The following GRIN2B variants were observed in gnomAD, a reference collection of about 807,000 sequenced individuals.
The protein encoded by GRIN2B is glutamate ionotropic receptor NMDA type subunit 2B.
Under a neutral mutation model 114.5 loss-of-function variants are expected in GRIN2B, and 5 were observed. The ratio of observed to expected loss-of-function variants is 0.04; its 90% confidence interval spans 0.02 to 0.09. The LOEUF is 0.09. GRIN2B is among the 10% of genes least tolerant of loss of function. The pLI is 1.00. For synonymous variants in GRIN2B, 787 were observed against 745.1 expected (o/e 1.06, Z -0.92); for missense variants, 1,108 against 1,943.5 (o/e 0.57, Z 8.08).
At chr12:13,892,548 G>A (rs986441660) in intron 2 of GRIN2B, among the ~76,000 whole-genome samples, 1 of 152,184 alleles carries the variant, frequency 6.6e-6, no homozygotes, top group Non-Finnish European at 1.5e-5. Context: ...CTGAAACAGG[G>A]CGCAGGCCAG....
intron 2 of GRIN2B, among the ~76,000 whole-genome samples, chr12:13,943,780 A>C (rs1867309596): frequency 6.6e-6 from 1 of 152,086 alleles, no homozygotes; most frequent in South Asian, 2.1e-4. Context: ...AATTTCCGTC[A>C]CTGTCTAGCC....
chr12:13,707,075 G>A (rs920526549), intron 4 of GRIN2B, among the ~76,000 whole-genome samples: 19 of 151,252 alleles, frequency 1.3e-4, no homozygotes, highest in African/African-American at 4.4e-4. Flanking sequence ...CTTAATCTAT[G>A]AGCATGAATG....
At chr12:13,608,204 A>G (rs896814490) in intron 10 of GRIN2B, among the ~76,000 whole-genome samples, 1 of 152,160 alleles carries the variant, frequency 6.6e-6, no homozygotes, top group Non-Finnish European at 1.5e-5. Flanking sequence ...GCCAAACACC[A>G]CTGGGAAGAA....
intron 10 of GRIN2B, among the ~76,000 whole-genome samples, chr12:13,594,615 T>C (rs1329962215): frequency 6.6e-6 from 1 of 151,204 alleles, no homozygotes; most frequent in Non-Finnish European, 1.5e-5. Flanking sequence ...ATGGCATGTG[T>C]ATATCTATGT....
intron 4 of GRIN2B, among the ~76,000 whole-genome samples, chr12:13,678,245 A>C (rs562947363): frequency 6.6e-6 from 1 of 152,254 alleles, no homozygotes; most frequent in East Asian, 1.9e-4. Flanking sequence ...GCATTTTACA[A>C]ATGGTAGCAG....
chr12:13,715,401 C>T (rs539636984), intron 4 of GRIN2B, among the ~76,000 whole-genome samples: 1 of 151,910 alleles, frequency 6.6e-6, no homozygotes, highest in South Asian at 2.1e-4. Context: ...AAAATGATAA[C>T]TATAAAAGTT....
At chr12:13,675,933 G>C (rs774967081) in intron 4 of GRIN2B, 74 bp from the exon 5 acceptor site, 1 of 837,054 alleles carries the variant, frequency 1.2e-6, no homozygotes, top group Non-Finnish European at 2.1e-6. Context: ...CAGGTATATA[G>C]AGAGAAAGCT....
intron 2 of GRIN2B, among the ~76,000 whole-genome samples, chr12:13,916,160 T>C (rs1866716380): frequency 6.6e-6 from 1 of 152,136 alleles, no homozygotes; most frequent in African/African-American, 2.4e-5. Flanking sequence ...TTTTTGAAAA[T>C]GAGATCTTTG....
At chr12:13,602,140 C>A (rs1949169432) in intron 10 of GRIN2B, among the ~76,000 whole-genome samples, 1 of 152,130 alleles carries the variant, frequency 6.6e-6, no homozygotes, top group Non-Finnish European at 1.5e-5. Context: ...CAAGTGTCCT[C>A]CCCCCTCTCA....
At chr12:13,959,707 G>C (rs912110272) in intron 2 of GRIN2B, among the ~76,000 whole-genome samples, 4 of 151,862 alleles carry the variant, frequency 2.6e-5, no homozygotes, top group Non-Finnish European at 5.9e-5. Flanking sequence ...TTGGCGAAGA[G>C]ATGCTGATTG....
At chr12:13,866,529 G>A (rs901522562) in intron 2 of GRIN2B, among the ~76,000 whole-genome samples, 27 of 152,290 alleles carry the variant, frequency 1.8e-4, no homozygotes, top group Admixed American at 3.9e-4. Flanking sequence ...GTAGCCATGC[G>A]AGTATGCATA....
chr12:13,842,917 C>CTTTTTTTTTTTTTTTTTTTT (rs201344138), intron 3 of GRIN2B, among the ~76,000 whole-genome samples: 2 of 103,216 alleles, frequency 1.9e-5, no homozygotes, highest in Non-Finnish European at 4.1e-5. Context: ...ATTGGTTTTT[C>CTTTTTTTTTTTTTTTTTTTT]TTTTTTTTTT....
chr12:13,870,194 G>A (rs765310721), intron 2 of GRIN2B, among the ~76,000 whole-genome samples: 3 of 152,200 alleles, frequency 2.0e-5, no homozygotes, highest in South Asian at 4.2e-4. Flanking sequence ...GGGTAGCAGC[G>A]ACCTCCACTG....
At chr12:13,663,829 C>T (rs763194848) in intron 5 of GRIN2B, among the ~76,000 whole-genome samples, 1 of 152,150 alleles carries the variant, frequency 6.6e-6, no homozygotes, top group African/African-American at 2.4e-5. Flanking sequence ...TTTCTAGAAT[C>T]TAATTTCATT....
At chr12:13,808,659 G>A (rs1247726485) in intron 3 of GRIN2B, among the ~76,000 whole-genome samples, 1 of 150,562 alleles carries the variant, frequency 6.6e-6, no homozygotes, top group African/African-American at 2.4e-5. Context: ...TGAGTTAATG[G>A]GTGCAGCACA....
intron 4 of GRIN2B, among the ~76,000 whole-genome samples, chr12:13,681,124 A>G (rs1950128091): frequency 6.6e-6 from 1 of 152,154 alleles, no homozygotes; most frequent in South Asian, 2.1e-4. Context: ...AAGGAGCTCT[A>G]CCAGAATTTT....
chr12:13,706,351 C>A (rs925048161), intron 4 of GRIN2B, among the ~76,000 whole-genome samples: 2 of 151,902 alleles, frequency 1.3e-5, no homozygotes, highest in Non-Finnish European at 2.9e-5. Context: ...CTGTTAAGAT[C>A]GAAAGAAAAA....
intron 10 of GRIN2B, among the ~76,000 whole-genome samples, chr12:13,582,829 G>C (rs1222649775): frequency 6.6e-6 from 1 of 152,102 alleles, no homozygotes; most frequent in African/African-American, 2.4e-5. Flanking sequence ...TAAAACACCA[G>C]TTCTTCAGAT....
intron 3 of GRIN2B, among the ~76,000 whole-genome samples, chr12:13,826,922 T>C (rs1442357424): frequency 2.6e-5 from 4 of 151,968 alleles, no homozygotes; most frequent in East Asian, 1.9e-4. Context: ...GCTTTTTTTT[T>C]CCTCTGAAAG....
Sources: gnomAD v4.1 joint callset for allele counts (sites outside exome capture counted in the v4.1 genomes callset) on GRCh38, gnomAD v4.1.1 for gene constraint, MANE v1.5 for transcripts, NCBI Gene and HGNC (gene_info 2026-07-23, HGNC 2026-07-21) for gene names.